BATF2: variants seen among roughly 807,000 people sequenced by gnomAD.
The protein encoded by BATF2 is basic leucine zipper ATF-like transcription factor 2, also known as basic leucine zipper transcriptional factor ATF-like 2.
Under a neutral mutation model 7.3 loss-of-function variants are expected in BATF2, and 4 were observed. The ratio of observed to expected loss-of-function variants is 0.55; its 90% CI spans 0.27 to 1.26. BATF2 has a LOEUF of 1.26. Ranked by LOEUF, BATF2 falls within the 50% of genes most tolerant of loss-of-function variation. BATF2 has a pLI of 0.11. For synonymous variants in BATF2, 152 were observed against 153.9 expected (o/e 0.99, Z 0.09); for missense variants, 295 against 340.5 (o/e 0.87, Z 1.05).
intron 2 of BATF2, chr11:64,990,034 C>T (rs1309820538): frequency 1.3e-6 from 2 of 1,537,094 alleles, no homozygotes; most frequent in Non-Finnish European, 1.7e-6. Context: ...CGCCTGCTGT[C>T]ATCCCACCAC....
chr11:64,994,392 G>A (rs191960466), intron 2 of BATF2, 56 bp downstream of exon 2: 54 of 1,501,158 alleles, frequency 3.6e-5, no homozygotes, highest in Non-Finnish European at 1.3e-5. Flanking sequence ...GAGAAGAGGT[G>A]GCTGGGCCAG....
At position 64,989,221 on chromosome 11, in the gene BATF2, A is replaced by G. The variant is rs1417522918; in HGVS notation, c.733T>C (p.Ser245Pro). The change falls in exon 3 of 3, where the codon TCA becomes CCA. Residue 245 changes from serine to proline, a missense_variant. Physicochemically the swap from Ser to Pro is moderately conservative, Grantham distance 74. Coordinates refer to ENST00000301887, the MANE Select transcript of BATF2 (RefSeq NM_138456.4). This position sits in a 1 kb window ranked among gnomAD's most constrained non-coding sequence, Gnocchi z 4.3. Reference sequence around the variant, plus strand: ...ACCAGCCCTTGCCAAGTGGCTGCTGAGAGAGCAGGTTTGTGCTCCCTGCTC... The same window carrying G: ...ACCAGCCCTTGCCAAGTGGCTGCTGGGAGAGCAGGTTTGTGCTCCCTGCTC... ...LQSREHKPAL[S>P]AATWQGLVVD... 1.2e-6 allele frequency: 2 copies of G among 1,614,046 alleles called. No individual in the cohort carries two copies. Among genetic ancestry groups the G allele is most frequent in the East Asian group, 4.5e-5 (2 of 44,864 alleles).
At position 64,994,499 on chromosome 11, in the gene BATF2, G is replaced by A. The variant is rs143335222; in HGVS notation, c.90C>T (p.Ala30=). The A allele has an allele frequency of 8.3e-4, 1,334 of 1,603,866 alleles. 7 individuals carry two copies. In the African/African-American group the frequency reaches 0.015, roughly 19 times the overall value. The change falls in exon 2 of 3, where the codon GCC becomes GCT. Residue 30 remains alanine, a synonymous_variant. Transcript: ENST00000301887. ...TGTGCTTCTGCCGGCTTCGCTGGGCGGCTGCCCGGTTCTTCTGCTTCTTCA... is the reference window on the plus strand; with the variant it reads ...TGTGCTTCTGCCGGCTTCGCTGGGCAGCTGCCCGGTTCTTCTGCTTCTTCA... The part of the protein sequence containing the change: ...RQLKKQKNRA[A]AQRSRQKHTD...
At chr11:64,994,309 C>G (rs1946095636) in intron 2 of BATF2, 139 bp downstream of exon 2, 1 of 819,874 alleles carries the variant, frequency 1.2e-6, no homozygotes, top group African/African-American at 1.7e-5. Flanking sequence ...CCACAGGATC[C>G]TTTTCTCATC....
chr11:64,996,729 G>T, intron 1 of BATF2, 147 bp downstream of exon 1: 8 of 936,474 alleles, frequency 8.5e-6, no homozygotes, highest in Non-Finnish European at 6.3e-6. Flanking sequence ...GTGAGACCCA[G>T]AGAGGGGCAT....
chr11:64,996,053 G>A (rs1225025599), intron 1 of BATF2, among the ~76,000 whole-genome samples: 1 of 151,992 alleles, frequency 6.6e-6, no homozygotes, highest in Non-Finnish European at 1.5e-5. Context: ...CGCCTCCCAG[G>A]TTCAAGTGAT....
chr11:64,994,561 G>A lies in BATF2; in HGVS notation c.40-12C>T, dbSNP rs770664135. ...TGCTCCTTGGGGTCCTGTGGGGCAT[G>A]AGGCAGAGGACTCAGGGGGCCCAGC... is the stretch of plus-strand genomic sequence containing the variant. On this transcript the variant is annotated splice_polypyrimidine_tract_variant and intron_variant, in intron 1 of 2. Coordinates refer to ENST00000301887, the MANE Select transcript of BATF2 (RefSeq NM_138456.4). 5 of 1,586,824 alleles carry A rather than the reference G, an allele frequency of 3.2e-6. No homozygotes were observed. In the East Asian group the frequency reaches 1.1e-4, roughly 36 times the overall value.
chr11:64,991,229 T>TCA, intron 2 of BATF2, among the ~76,000 whole-genome samples: 1 of 149,704 alleles, frequency 6.7e-6, no homozygotes, highest in Non-Finnish European at 1.5e-5. Context: ...TAATCTCGGC[T>TCA]CACTGCAACC....
chr11:64,994,061 G>A (rs549233887), intron 2 of BATF2, among the ~76,000 whole-genome samples: 1 of 152,128 alleles, frequency 6.6e-6, no homozygotes, highest in Non-Finnish European at 1.5e-5. Context: ...GCCTCCCAAA[G>A]TGCTAGGATT....
At chr11:64,994,819 G>A (rs1300387549) in intron 1 of BATF2, among the ~76,000 whole-genome samples, 1 of 152,186 alleles carries the variant, frequency 6.6e-6, no homozygotes, top group Non-Finnish European at 1.5e-5. Context: ...TTCAAACTCA[G>A]ACAGAGCCAA....
intron 1 of BATF2, among the ~76,000 whole-genome samples, chr11:64,994,941 C>T (rs964449263): frequency 6.6e-6 from 1 of 152,064 alleles, no homozygotes; most frequent in African/African-American, 2.4e-5. Flanking sequence ...CTCTGACTCC[C>T]GGGTTCAAGC....
chr11:64,992,360 C>T (rs923236158), intron 2 of BATF2, among the ~76,000 whole-genome samples: 21 of 152,118 alleles, frequency 1.4e-4, no homozygotes, highest in Non-Finnish European at 2.1e-4. Context: ...AGCCACCGCG[C>T]CTGGCTCATC....
In BATF2 at chr11:64,989,251, G is replaced by A. The variant is rs767086997; in HGVS notation, c.703C>T (p.Leu235=). 15 of 1,612,952 alleles carry A rather than the reference G, an allele frequency of 9.3e-6. 1 individual carries two copies. The South Asian group carries it at 1.6e-4, about 18-fold the overall frequency. Residue 235 remains leucine, a synonymous_variant, in exon 3 of 3, where the codon CTG becomes TTG. Transcript: ENST00000301887. The surrounding 1 kb of genome is among the most constrained non-coding windows in gnomAD (Gnocchi z 4.3). ...GCAGGTTTGTGCTCCCTGCTCTGCA[G>A]ACGTGCAAGCCCCAGGGCAGAGGAA... ...NPSSALGLAR[L]QSREHKPALS...
In BATF2 at chr11:64,989,399, C is replaced by T. The variant is rs777881057; in HGVS notation, c.555G>A (p.Leu185=). The T allele has an allele frequency of 2.5e-6, 4 of 1,587,442 alleles. No individual in the cohort carries two copies. The highest frequency in any genetic ancestry group is 8.6e-7 in the Non-Finnish European group (1 of 1,166,116). Residue 185 remains leucine (L), a synonymous_variant, in exon 3 of 3, where the codon CTG becomes CTA. Coordinates refer to ENST00000301887, the MANE Select transcript of BATF2 (RefSeq NM_138456.4). This position sits in a 1 kb window ranked among gnomAD's most constrained non-coding sequence, Gnocchi z 4.3. ...LLFASHTGSS[L]QGSSSKLSAL... The stretch of plus-strand genomic sequence containing the variant: ...CACTGAGCTTAGAGGAAGACCCCTG[C>T]AGGCTGGAACCAGTGTGCGAGGCAA...
chr11:64,996,735 G>A (rs78617442), intron 1 of BATF2, 141 bp downstream of exon 1: 41,420 of 974,760 alleles, frequency 0.042, 1,183 homozygotes, highest in Middle Eastern at 0.08. Context: ...CCCAGAGAGG[G>A]GCATGCAGAG....
At chr11:64,990,392 G>A (rs1228404907) in intron 2 of BATF2, 8 of 1,409,416 alleles carry the variant, frequency 5.7e-6, no homozygotes, top group East Asian at 2.7e-5. Flanking sequence ...GGGCCTTCCC[G>A]TGGCAACCTT....
rs1028344057 is a variant in BATF2 at position 64,988,616 on chromosome 11, A to T, written c.*513T>A. The stretch of plus-strand genomic sequence containing the variant: ...GGCTTCTGCTTGGCCTCTACCCACC[A>T]GGGCTTGGACTCTGGACCTGCCCCA... On this transcript the variant is annotated 3_prime_UTR_variant, in exon 3 of 3. Coordinates refer to ENST00000301887, the MANE Select transcript of BATF2 (RefSeq NM_138456.4). The T allele has an allele frequency of 6.3e-6, 1 of 158,332 alleles. No homozygotes were observed. The highest frequency in any genetic ancestry group is 1.4e-5 in the Non-Finnish European group (1 of 71,430). 9.8% of individuals were successfully genotyped at this position (158,332 alleles called of 1,614,324 possible).
At chr11:64,996,629 A>G (rs775868110) in intron 1 of BATF2, among the ~76,000 whole-genome samples, 4 of 152,236 alleles carry the variant, frequency 2.6e-5, no homozygotes, top group Non-Finnish European at 5.9e-5. Flanking sequence ...GCAAGTACAC[A>G]GAGGCCAAGT....
chr11:64,990,094 C>T (rs1418110565), intron 2 of BATF2: 3 of 1,535,724 alleles, frequency 2.0e-6, no homozygotes, highest in Non-Finnish European at 2.6e-6. Flanking sequence ...CACGGGCCTC[C>T]AACCCGTGTG....
Sources: allele counts gnomAD v4.1 joint callset (sites outside exome capture counted in the v4.1 genomes callset), GRCh38; gene constraint gnomAD v4.1.1; non-coding constraint Gnocchi (gnomAD v3.1); transcripts MANE v1.5; gene names NCBI Gene and HGNC (gene_info 2026-07-23, HGNC 2026-07-21).